The following DHRS7 variants were observed in gnomAD, a reference collection of about 807,000 sequenced individuals.
The protein encoded by DHRS7 is dehydrogenase/reductase 7.
Under a neutral mutation model 38.9 loss-of-function variants are expected in DHRS7, and 34 were observed. That is an observed-to-expected ratio of 0.87 (90% CI 0.66 to 1.16). DHRS7 has a LOEUF of 1.16. DHRS7 is among the 50% of genes most tolerant of loss of function. The pLI, the probability that DHRS7 is intolerant of heterozygous loss-of-function variation, is 0.00. For missense variants in DHRS7, 421 were observed against 407.0 expected (o/e 1.03, Z -0.30); for synonymous variants, 158 against 153.1 (o/e 1.03, Z -0.24).
chr14:60,153,187 A>G lies in DHRS7; in HGVS notation c.394-9T>C, dbSNP rs566717165. 17 of 1,613,954 alleles carry G rather than the reference A, an allele frequency of 1.1e-5. No individual in the cohort carries two copies. In the African/African-American group the frequency reaches 1.9e-4, roughly 18 times the overall value. On this transcript the variant is annotated splice_polypyrimidine_tract_variant and intron_variant, in intron 3 of 6. Coordinates refer to ENST00000557185, the MANE Select transcript of DHRS7 (RefSeq NM_016029.4). The surrounding 1 kb of genome is among the most constrained non-coding windows in gnomAD (Gnocchi z 4.4). Reference sequence around the variant, plus strand: ...TTGACCAGAATGTCGATCTAGTTAAATAAAATCAGAAAAGGGGTGTTTGGG... The same window carrying G: ...TTGACCAGAATGTCGATCTAGTTAAGTAAAATCAGAAAAGGGGTGTTTGGG...
intron 1 of DHRS7, among the ~76,000 whole-genome samples, chr14:60,157,047 T>C (rs889193984): frequency 3.3e-5 from 5 of 152,230 alleles, no homozygotes; most frequent in African/African-American, 1.2e-4. Context: ...ATATATGTTA[T>C]TTATCAAAAA....
chr14:60,150,208 A>AG, intron 4 of DHRS7, 21 bp from the exon 5 acceptor site: 1 of 1,512,406 alleles, frequency 6.6e-7, no homozygotes, highest in Non-Finnish European at 8.8e-7. Flanking sequence ...AAAAAAAAAA[A>AG]AAAGGAAAAA....
intron 5 of DHRS7, 142 bp from the exon 6 acceptor site, chr14:60,149,710 G>C: frequency 1.6e-6 from 1 of 643,348 alleles, no homozygotes; most frequent in Admixed American, 3.1e-5. Context: ...GTACTAATGG[G>C]AGTTTATAAA....
At chr14:60,166,661 T>A (rs1462521254), upstream of DHRS7, among the ~76,000 whole-genome samples, 1 of 152,176 alleles carries the variant, frequency 6.6e-6, no homozygotes, top group Non-Finnish European at 1.5e-5. Flanking sequence ...CTCATCCTTC[T>A]CTAAAAAGCT....
At chr14:60,154,311 T>C (rs1048638658) in intron 2 of DHRS7, among the ~76,000 whole-genome samples, 3 of 152,064 alleles carry the variant, frequency 2.0e-5, no homozygotes, top group African/African-American at 7.2e-5. Flanking sequence ...TGATTTCTGA[T>C]AGAAATCAAG....
At chr14:60,165,518 C>CCCG, upstream of DHRS7, 1 of 1,287,474 alleles carries the variant, frequency 7.8e-7, no homozygotes. The surrounding 1 kb of genome is among the most constrained non-coding windows in gnomAD (Gnocchi z 4.6). Flanking sequence ...GCGGCCCGCG[C>CCCG]CCTCATGCGG....
In DHRS7 at chr14:60,145,184, C is replaced by A; in HGVS notation, c.973-171G>T. On this transcript the variant is annotated intron_variant, in intron 6 of 6. Transcript: ENST00000557185. This position sits in a 1 kb window ranked among gnomAD's most constrained non-coding sequence, Gnocchi z 4.0. ...GAATTTAAAAATCATAGCCAAAATTCTAGATGTACACAAAAGTACTTCTAA... is the reference window on the plus strand; with the variant it reads ...GAATTTAAAAATCATAGCCAAAATTATAGATGTACACAAAAGTACTTCTAA... 1 of 485,582 alleles carries A rather than the reference C, an allele frequency of 2.1e-6. No homozygotes were observed. Among genetic ancestry groups the A allele is most frequent in the South Asian group, 4.6e-5 (1 of 21,524 alleles). The allele number at this position is 485,582 out of a possible 1,614,324, so 30.1% of individuals were successfully genotyped here.
intron 1 of DHRS7, among the ~76,000 whole-genome samples, chr14:60,164,121 T>C (rs1262716865): frequency 1.3e-5 from 2 of 151,394 alleles, no homozygotes; most frequent in Non-Finnish European, 2.9e-5. Flanking sequence ...TACTAAGGAA[T>C]AATATTTTCT....
At chr14:60,166,052 C>T (rs2140620664), upstream of DHRS7, among the ~76,000 whole-genome samples, 2 of 152,310 alleles carry the variant, frequency 1.3e-5, no homozygotes, top group Middle Eastern at 3.4e-3. Context: ...TATTCACATC[C>T]TAATGTAAAC....
rs1896850028 is a variant in DHRS7 at position 60,165,354 on chromosome 14, C to T, written c.-45G>A. 4 of 1,544,098 alleles carry T rather than the reference C, an allele frequency of 2.6e-6. No individual in the cohort carries two copies. Among genetic ancestry groups the T allele is most frequent in the Non-Finnish European group, 3.5e-6 (4 of 1,149,650 alleles). ...CTCGGGGGGAAGAAGACGGCCCGCACCAGAGTCGCGTCGCTGCCCTGCGGG... is the reference window on the plus strand; with the variant it reads ...CTCGGGGGGAAGAAGACGGCCCGCATCAGAGTCGCGTCGCTGCCCTGCGGG... On this transcript the variant is annotated 5_prime_UTR_variant, in exon 1 of 7. It adds an upstream start codon to the 5' untranslated region. Coordinates refer to ENST00000557185, the MANE Select transcript of DHRS7 (RefSeq NM_016029.4). This position sits in a 1 kb window ranked among gnomAD's most constrained non-coding sequence, Gnocchi z 4.6.
intron 4 of DHRS7, among the ~76,000 whole-genome samples, chr14:60,151,536 C>CA (rs374087187): frequency 1.6e-3 from 182 of 111,250 alleles, no homozygotes; most frequent in Admixed American, 2.0e-3. Context: ...GAGATGAACC[C>CA]AAAAAAAAAA....
At chr14:60,168,803 A>C, upstream of DHRS7, 1 of 1,527,306 alleles carries the variant, frequency 6.5e-7, no homozygotes, top group Non-Finnish European at 8.8e-7. Flanking sequence ...ATTGGCTTGC[A>C]AACATGCTGA....
rs1278351708 is a variant in DHRS7, at chr14:60,145,793, T to C, written c.973-780A>G. The stretch of plus-strand genomic sequence containing the variant: ...TGTTTCTTTTCAGAAGATATGCATT[T>C]ACCACTTTCAAAACTTTGCACTAAG... On this transcript the variant is annotated intron_variant, in intron 6 of 6. Coordinates refer to ENST00000557185, the MANE Select transcript of DHRS7 (RefSeq NM_016029.4). The surrounding 1 kb of genome is among the most constrained non-coding windows in gnomAD (Gnocchi z 4.0). The C allele has an allele frequency of 6.6e-6, 1 of 152,138 alleles. No homozygotes were observed. The highest frequency in any genetic ancestry group is 1.5e-5 in the Non-Finnish European group (1 of 68,024). The allele number at this position is 152,138 out of a possible 1,614,324, so 9.4% of individuals were successfully genotyped here. A position where few individuals can be genotyped will look rare whatever the true frequency, so the allele number is the denominator to read the frequency against.
chr14:60,164,598 AATG>A (rs897767853), intron 1 of DHRS7, among the ~76,000 whole-genome samples: 3 of 152,234 alleles, frequency 2.0e-5, no homozygotes, highest in Non-Finnish European at 2.9e-5. Flanking sequence ...GTATGCCAAT[AATG>A]ATCTCGCTCC....
Position 60,144,996 on chromosome 14 carries a change from A to G in DHRS7, c.990T>C (p.Tyr330=). 1 of 1,601,910 alleles carries G rather than the reference A, an allele frequency of 6.2e-7. No individual in the cohort carries two copies. Among genetic ancestry groups the G allele is most frequent in the East Asian group, 2.2e-5 (1 of 44,560 alleles). ...FKSGVDADSS[Y]FKIFKTKHD ...CATGTTTTGTCTTAAAGATTTTAAA[A>G]TAAGAAGAGTCTGCATCCTGTAAAA... The change falls in exon 7 of 7, where the codon TAT becomes TAC. Residue 330 remains tyrosine, a synonymous_variant. Coordinates refer to ENST00000557185, the MANE Select transcript of DHRS7 (RefSeq NM_016029.4).
At chr14:60,164,959 G>A (rs956163355) in intron 1 of DHRS7, among the ~76,000 whole-genome samples, 7 of 152,240 alleles carry the variant, frequency 4.6e-5, no homozygotes, top group Non-Finnish European at 7.3e-5. Flanking sequence ...GCAAGTCCAT[G>A]CCATCTTCCG....
rs1044885979 is a variant in DHRS7 at position 60,146,292 on chromosome 14, A to G, written c.973-1279T>C. ...ATATTTTACAGTTAGATATTCTCTA[A>G]ACAAAACAAAATATCCTTCATATGG... On this transcript the variant is annotated intron_variant, in intron 6 of 6. Coordinates refer to ENST00000557185, the MANE Select transcript of DHRS7 (RefSeq NM_016029.4). The surrounding 1 kb of genome is among the most constrained non-coding windows in gnomAD (Gnocchi z 4.9). The G allele has an allele frequency of 2.0e-5, 3 of 152,164 alleles. No homozygotes were observed. Among genetic ancestry groups the G allele is most frequent in the African/African-American group, 7.2e-5 (3 of 41,444 alleles). The allele number at this position is 152,164 out of a possible 1,614,324, so 9.4% of individuals were successfully genotyped here. A position where few individuals can be genotyped will look rare whatever the true frequency, so the allele number is the denominator to read the frequency against.
intron 4 of DHRS7, among the ~76,000 whole-genome samples, chr14:60,151,453 C>A (rs113766054): frequency 0.022 from 3,287 of 151,708 alleles, 58 homozygotes; most frequent in South Asian, 0.049. Context: ...GTTATCAGCT[C>A]TGAAATGCTG....
intron 5 of DHRS7, among the ~76,000 whole-genome samples, 200 bp from the exon 6 acceptor site, chr14:60,149,768 G>A (rs1896497308): frequency 1.3e-5 from 2 of 151,700 alleles, no homozygotes; most frequent in African/African-American, 2.4e-5. Flanking sequence ...ATGCTTACTA[G>A]ATAATATAGT....
Sources: allele counts gnomAD v4.1 joint callset (sites outside exome capture counted in the v4.1 genomes callset), GRCh38; gene constraint gnomAD v4.1.1; non-coding constraint Gnocchi (gnomAD v3.1); transcripts MANE v1.5; gene names NCBI Gene and HGNC (gene_info 2026-07-23, HGNC 2026-07-21).